Variants in DYNC1I2 observed in about 807,000 individuals in gnomAD.
DYNC1I2 encodes dynein cytoplasmic 1 intermediate chain 2.
Under a neutral mutation model 88.6 loss-of-function variants are expected in DYNC1I2, and 53 were observed. The ratio of observed to expected loss-of-function variants is 0.60; its 90% confidence interval spans 0.48 to 0.75. The LOEUF (loss-of-function observed/expected upper bound fraction) is 0.75, where lower values mean the gene tolerates loss of function less well. DYNC1I2 is among the 30% of genes least tolerant of loss of function. The pLI is 0.00. For synonymous variants in DYNC1I2, 198 were observed against 254.6 expected, an observed-to-expected ratio of 0.78 and a Z score of 2.12; for missense variants, 458 against 766.6, an observed-to-expected ratio of 0.60 and a Z score of 4.75.
chr2:171,702,873 C>T (rs955821337), intron 3 of DYNC1I2, among the ~76,000 whole-genome samples: 1 of 152,026 alleles, frequency 6.6e-6, no homozygotes, highest in African/African-American at 2.4e-5. Context: ...CTACCATAGC[C>T]ATCTAATTTT....
intron 7 of DYNC1I2, among the ~76,000 whole-genome samples, chr2:171,717,151 T>C (rs1687557558): frequency 6.7e-6 from 1 of 148,478 alleles, no homozygotes; most frequent in African/African-American, 2.5e-5. Context: ...CTTTTTTTTT[T>C]TTTTTTTTTG....
rs1689992054 is a variant in DYNC1I2 at position 171,749,771 on chromosome 2, T to C, written c.*1882T>C. On this transcript the variant is annotated 3_prime_UTR_variant, in exon 18 of 18. Transcript: ENST00000397119. The stretch of plus-strand genomic sequence containing the variant: ...ATGTATACCTTTGCCCATTCAACTT[T>C]AGTCCATATTTTTAGGAACACACAA... Among the ~76,000 whole-genome samples, 1 of 152,172 alleles carries C rather than the reference T, an allele frequency of 6.6e-6. No individual in the cohort carries two copies. The highest frequency in any genetic ancestry group is 2.1e-4 in the South Asian group (1 of 4,830).
chr2:171,694,193 A>T (rs1685588288), intron 3 of DYNC1I2, among the ~76,000 whole-genome samples: 1 of 151,484 alleles, frequency 6.6e-6, no homozygotes, highest in African/African-American at 2.4e-5. Flanking sequence ...TTGTGCCACC[A>T]CGCCAGCTAA....
intron 11 of DYNC1I2, among the ~76,000 whole-genome samples, 152 bp from the exon 12 acceptor site, chr2:171,727,669 G>A (rs1688340079): frequency 6.6e-6 from 1 of 152,110 alleles, no homozygotes; most frequent in African/African-American, 2.4e-5. Context: ...TTCTGAAACA[G>A]TGAAAACTTT....
chr2:171,740,554 T>C (rs1689352372), intron 15 of DYNC1I2, among the ~76,000 whole-genome samples: 1 of 152,198 alleles, frequency 6.6e-6, no homozygotes, highest in Non-Finnish European at 1.5e-5. Flanking sequence ...TTTTCCCTTT[T>C]CTTTAGAGGG....
intron 3 of DYNC1I2, among the ~76,000 whole-genome samples, chr2:171,699,601 TGTG>T: frequency 1.3e-5 from 2 of 150,014 alleles, no homozygotes; most frequent in Admixed American, 1.3e-4. Context: ...AGTGTGTGTG[TGTG>T]TGTGTGTGTG....
At chr2:171,727,242 C>T (rs1209022182) in intron 11 of DYNC1I2, among the ~76,000 whole-genome samples, 1 of 152,046 alleles carries the variant, frequency 6.6e-6, no homozygotes, top group East Asian at 1.9e-4. Flanking sequence ...TTCCCAGGAA[C>T]TTATTTGTGA....
intron 5 of DYNC1I2, among the ~76,000 whole-genome samples, chr2:171,707,734 T>C (rs1686793727): frequency 2.0e-5 from 3 of 152,182 alleles, no homozygotes; most frequent in Admixed American, 6.5e-5. Flanking sequence ...ACCTCTCTCT[T>C]GTGCTTGATT....
intron 15 of DYNC1I2, among the ~76,000 whole-genome samples, chr2:171,740,436 TG>T (rs1451840400): frequency 6.6e-6 from 1 of 152,244 alleles, no homozygotes; most frequent in Non-Finnish European, 1.5e-5. Flanking sequence ...AGTTACTCTG[TG>T]GACTTCTGGA....
chr2:171,712,726 C>A, intron 5 of DYNC1I2, 41 bp from the exon 6 acceptor site: 1 of 1,518,888 alleles, frequency 6.6e-7, no homozygotes, highest in Non-Finnish European at 9.1e-7. Flanking sequence ...AACTTATGGC[C>A]TTTTTTGCTA....
At chr2:171,704,049 A>G (rs1266540107) in intron 3 of DYNC1I2, among the ~76,000 whole-genome samples, 1 of 152,108 alleles carries the variant, frequency 6.6e-6, no homozygotes, top group Non-Finnish European at 1.5e-5. Flanking sequence ...TAATTCAGCT[A>G]TGTGCCATCC....
rs575322300 is a variant in DYNC1I2 at position 171,704,614 on chromosome 2, A to G, written c.227-1933A>G. Among the ~76,000 whole-genome samples the G allele has an allele frequency of 4.6e-5, 7 of 152,304 alleles. No homozygotes were observed. In the East Asian group the frequency reaches 1.2e-3, roughly 25 times the overall value. ...ATGGTTTATGTTATTTTCAAGGCTG[A>G]TTAGACTTACAAACTGTCTTTAAAA... On this transcript the variant is annotated intron_variant, in intron 3 of 17. Coordinates refer to ENST00000397119, the MANE Select transcript of DYNC1I2 (RefSeq NM_001378.3).
At chr2:171,696,571 T>G (rs1265665768) in intron 3 of DYNC1I2, among the ~76,000 whole-genome samples, 1 of 152,210 alleles carries the variant, frequency 6.6e-6, no homozygotes, top group Non-Finnish European at 1.5e-5. Context: ...TTTATAGTTT[T>G]ACCCTTCACA....
intron 3 of DYNC1I2, among the ~76,000 whole-genome samples, chr2:171,693,809 TATTA>T (rs1478736931): frequency 6.6e-6 from 1 of 152,246 alleles, no homozygotes; most frequent in Non-Finnish European, 1.5e-5. Context: ...GACTGAAGTA[TATTA>T]ATTTTATGTA....
chr2:171,743,007 C>G (rs553972405), intron 15 of DYNC1I2, among the ~76,000 whole-genome samples: 1 of 152,144 alleles, frequency 6.6e-6, no homozygotes, highest in Non-Finnish European at 1.5e-5. Flanking sequence ...GGGGTGCCAA[C>G]GCCTATCCCA....
intron 7 of DYNC1I2, among the ~76,000 whole-genome samples, chr2:171,723,623 G>T (rs1216248106): frequency 6.6e-6 from 1 of 152,110 alleles, no homozygotes; most frequent in Non-Finnish European, 1.5e-5. Context: ...ATCTAAAAAG[G>T]AGTAGTGTCT....
rs183719379 is a variant in DYNC1I2 at position 171,719,251 on chromosome 2, A to G, written c.511+3808A>G. Among the ~76,000 whole-genome samples the G allele has an allele frequency of 6.6e-5, 10 of 152,358 alleles. No individual in the cohort carries two copies. In the East Asian group the frequency reaches 1.9e-3, roughly 29 times the overall value. ...ATTTATAAAAATGAGATATTTGGGC[A>G]GTATCCTTTGGGGGAAAAAATGAGA... is the stretch of plus-strand genomic sequence containing the variant. On this transcript the variant is annotated intron_variant, in intron 7 of 17. Coordinates refer to ENST00000397119, the MANE Select transcript of DYNC1I2 (RefSeq NM_001378.3).
intron 2 of DYNC1I2, 64 bp downstream of exon 2, chr2:171,690,327 A>G: frequency 8.6e-7 from 1 of 1,160,918 alleles, no homozygotes; most frequent in South Asian, 1.5e-5. Context: ...TCACATATTT[A>G]TATATTTACA....
At chr2:171,731,392 G>A (rs1223848490) in intron 15 of DYNC1I2, among the ~76,000 whole-genome samples, 1 of 152,202 alleles carries the variant, frequency 6.6e-6, no homozygotes, top group Non-Finnish European at 1.5e-5. Flanking sequence ...GATTAGAGAT[G>A]TATAACCATA....
Sources: gnomAD v4.1 joint callset for allele counts (sites outside exome capture counted in the v4.1 genomes callset) on GRCh38, gnomAD v4.1.1 for gene constraint, MANE v1.5 for transcripts, NCBI Gene and HGNC (gene_info 2026-07-23, HGNC 2026-07-21) for gene names.